Variants in CSMD1 observed in about 807,000 individuals in gnomAD.
The protein encoded by CSMD1 is CUB and Sushi multiple domains 1.
Under a neutral mutation model 417.5 loss-of-function variants are expected in CSMD1, and 213 were observed. The ratio of observed to expected loss-of-function variants is 0.51; its 90% confidence interval spans 0.46 to 0.57. CSMD1 has a LOEUF of 0.57. Among genes scored for constraint, CSMD1 ranks in the 20% least tolerant of loss-of-function variants. CSMD1 has a pLI of 0.00. For synonymous variants in CSMD1, 2,862 were observed against 1,736.8 expected (o/e 1.65, Z -16.11); for missense variants, 6,923 against 4,529.7 (o/e 1.53, Z -15.17).
intron 3 of CSMD1, among the ~76,000 whole-genome samples, chr8:4,068,519 C>T (rs561876598): frequency 1.8e-4 from 27 of 152,282 alleles, no homozygotes; most frequent in South Asian, 1.0e-3. Context: ...TTAGTTTTTA[C>T]GACACAAAAT....
intron 7 of CSMD1, among the ~76,000 whole-genome samples, chr8:3,682,196 C>G (rs991762997): frequency 6.6e-6 from 1 of 152,122 alleles, no homozygotes; most frequent in African/African-American, 2.4e-5. Context: ...CAAATGGGAT[C>G]TAATTAAACT....
chr8:4,143,475 T>C lies in CSMD1; in HGVS notation c.416-111376A>G, dbSNP rs146153664. Among the ~76,000 whole-genome samples the C allele has an allele frequency of 2.2e-3, 328 of 150,738 alleles. 25 individuals are homozygous for C. The highest frequency in any genetic ancestry group is 7.3e-3 in the African/African-American group (292 of 40,192). Reference sequence around the variant, plus strand: ...GTTTTATTACAGGAGGTGTTTAATATATGGCTCATAGTTAAAGCTGGTTAA... The same window carrying C: ...GTTTTATTACAGGAGGTGTTTAATACATGGCTCATAGTTAAAGCTGGTTAA... On this transcript the variant is annotated intron_variant, in intron 3 of 69. Transcript: ENST00000635120.
chr8:4,305,574 G>A (rs1174023166), intron 3 of CSMD1, among the ~76,000 whole-genome samples: 1 of 152,120 alleles, frequency 6.6e-6, no homozygotes, highest in African/African-American at 2.4e-5. Context: ...AGGAAAGAAT[G>A]AAAAAGAGTA....
intron 5 of CSMD1, among the ~76,000 whole-genome samples, chr8:3,840,725 T>G (rs1364416290): frequency 6.7e-6 from 1 of 150,052 alleles, no homozygotes; most frequent in Non-Finnish European, 1.5e-5. Context: ...GGAATCTATC[T>G]GGCTCTGTCG....
At chr8:3,875,882 G>C (rs1805783267) in intron 5 of CSMD1, among the ~76,000 whole-genome samples, 2 of 152,162 alleles carry the variant, frequency 1.3e-5, no homozygotes, top group Non-Finnish European at 2.9e-5. Context: ...TCCAAACTTG[G>C]TAGGAAATCA....
chr8:3,647,389 T>TAAC (rs35443523), intron 7 of CSMD1, among the ~76,000 whole-genome samples: 1 of 151,822 alleles, frequency 6.6e-6, no homozygotes, highest in Non-Finnish European at 1.5e-5. Context: ...TAGAAAGAAA[T>TAAC]ATAAAGAGAA....
rs530125576 is a variant in CSMD1 at position 3,990,623 on chromosome 8, C to T, written c.818+7280G>A. Among the ~76,000 whole-genome samples the T allele has an allele frequency of 5.3e-5, 8 of 152,282 alleles. No individual in the cohort carries two copies. In the South Asian group the frequency reaches 1.7e-3, roughly 32 times the overall value. Reference sequence around the variant, plus strand: ...AAATAGTTTTTTAACTTTATTGAAACTCTGGTATTTACTTAACCCGAATTA... The same window carrying T: ...AAATAGTTTTTTAACTTTATTGAAATTCTGGTATTTACTTAACCCGAATTA... On this transcript the variant is annotated intron_variant, in intron 5 of 69. Transcript: ENST00000635120.
chr8:4,040,123 T>C (rs2130627903), intron 3 of CSMD1, among the ~76,000 whole-genome samples: 1 of 152,302 alleles, frequency 6.6e-6, no homozygotes. Flanking sequence ...TCAGAAACAA[T>C]ATTTTTAAAG....
At chr8:3,047,141 G>C (rs1017152620) in intron 50 of CSMD1, among the ~76,000 whole-genome samples, 3 of 150,108 alleles carry the variant, frequency 2.0e-5, no homozygotes, top group Non-Finnish European at 4.4e-5. Flanking sequence ...CCAGGAGGGG[G>C]AGGTTGCAGT....
intron 25 of CSMD1, among the ~76,000 whole-genome samples, chr8:3,301,112 C>T (rs1011630562): frequency 1.3e-5 from 2 of 151,866 alleles, no homozygotes; most frequent in African/African-American, 2.4e-5. Flanking sequence ...GGGAATAATA[C>T]ATGATTTCTT....
intron 5 of CSMD1, among the ~76,000 whole-genome samples, chr8:3,986,408 G>C (rs1168907182): frequency 4.6e-5 from 7 of 152,132 alleles, no homozygotes; most frequent in Non-Finnish European, 8.8e-5. Context: ...ACATTTCACT[G>C]TTGAATACGT....
At chr8:3,697,382 A>C (rs980110645) in intron 7 of CSMD1, among the ~76,000 whole-genome samples, 1 of 152,156 alleles carries the variant, frequency 6.6e-6, no homozygotes, top group Admixed American at 6.5e-5. Context: ...ATTCCCTTTG[A>C]TCATCTGAGT....
At chr8:4,047,235 A>C (rs2130670700) in intron 3 of CSMD1, among the ~76,000 whole-genome samples, 1 of 152,224 alleles carries the variant, frequency 6.6e-6, no homozygotes, top group South Asian at 2.1e-4. Flanking sequence ...TCTAGTGTTC[A>C]TCAAAGTCAT....
intron 7 of CSMD1, among the ~76,000 whole-genome samples, chr8:3,666,742 C>T (rs1585042748): frequency 6.6e-6 from 1 of 152,204 alleles, no homozygotes; most frequent in South Asian, 2.1e-4. Flanking sequence ...GGCTCTCATT[C>T]TGTCTTCTAT....
At chr8:3,949,774 C>G (rs541874373) in intron 5 of CSMD1, among the ~76,000 whole-genome samples, 1 of 152,248 alleles carries the variant, frequency 6.6e-6, no homozygotes, top group South Asian at 2.1e-4. Flanking sequence ...ACAAGACAGC[C>G]ACAAGCACTG....
chr8:3,761,366 T>G (rs1797986845), intron 5 of CSMD1, among the ~76,000 whole-genome samples: 1 of 152,100 alleles, frequency 6.6e-6, no homozygotes, highest in South Asian at 2.1e-4. Flanking sequence ...TTCAAAAGTT[T>G]TGTGCACACG....
intron 1 of CSMD1, among the ~76,000 whole-genome samples, chr8:4,760,512 G>A (rs188043348): frequency 6.6e-6 from 1 of 152,110 alleles, no homozygotes; most frequent in African/African-American, 2.4e-5. Context: ...CCAATCAATA[G>A]AAAGCTTTTA....
rs199785890 is a variant in CSMD1, at chr8:4,142,254, G to C, written c.416-110155C>G. Among the ~76,000 whole-genome samples the C allele has an allele frequency of 2.2e-4, 34 of 151,132 alleles. No homozygotes were observed. In the East Asian group the frequency reaches 6.0e-3, roughly 27 times the overall value. ...TGATACTTAATTTACTAATACAACA[G>C]GGTTTTCCTTCTACTCTTGGTATAA... is the stretch of plus-strand genomic sequence containing the variant. On this transcript the variant is annotated intron_variant, in intron 3 of 69. Coordinates refer to ENST00000635120, the MANE Select transcript of CSMD1 (RefSeq NM_033225.6).
chr8:4,944,556 T>A (rs1777851209), intron 1 of CSMD1, among the ~76,000 whole-genome samples: 1 of 152,098 alleles, frequency 6.6e-6, no homozygotes, highest in Admixed American at 6.5e-5. Flanking sequence ...GAGTCTACAG[T>A]CCACCTGAAG....
Sources: allele counts gnomAD v4.1 joint callset (sites outside exome capture counted in the v4.1 genomes callset), GRCh38; gene constraint gnomAD v4.1.1; transcripts MANE v1.5; gene names NCBI Gene and HGNC (gene_info 2026-07-23, HGNC 2026-07-21).